Variants in PTPRO observed in about 807,000 individuals in gnomAD.
The protein encoded by PTPRO is protein tyrosine phosphatase receptor type O.
PTPRO carries 62 observed loss-of-function variants against 145.2 expected under a neutral mutation model. That is an observed-to-expected ratio of 0.43 (90% CI 0.35 to 0.53). The LOEUF (loss-of-function observed/expected upper bound fraction) is 0.53, where lower values mean the gene tolerates loss of function less well. PTPRO is among the 20% of genes least tolerant of loss of function. PTPRO has a pLI of 0.01. For synonymous variants in PTPRO, 565 were observed against 514.7 expected (o/e 1.10, Z -1.32); for missense variants, 1,345 against 1,482.7 (o/e 0.91, Z 1.53).
intron 1 of PTPRO, among the ~76,000 whole-genome samples, chr12:15,454,863 G>A (rs1273323291): frequency 6.6e-6 from 1 of 151,798 alleles, no homozygotes; most frequent in Non-Finnish European, 1.5e-5. Context: ...GTGTAGTCTT[G>A]GCATCCACAT....
chr12:15,494,633 A>G (rs1159038679), intron 2 of PTPRO, among the ~76,000 whole-genome samples: 1 of 152,230 alleles, frequency 6.6e-6, no homozygotes, highest in African/African-American at 2.4e-5. Flanking sequence ...AAAACATACA[A>G]GCAAGCATTT....
rs1289413286 is a variant in PTPRO at position 15,587,022 on chromosome 12, G to C, written c.3381G>C (p.Lys1127Asn). 6.2e-7 allele frequency: 1 copy of C among 1,614,064 alleles called. No individual in the cohort carries two copies. Among genetic ancestry groups the C allele is most frequent in the Non-Finnish European group, 8.5e-7 (1 of 1,179,986 alleles). ...FVHMVRQQATKSKGPMIIHCS... is the reference protein window; with the variant it reads ...FVHMVRQQATNSKGPMIIHCS... ...ACATGGTCCGACAGCAAGCTACCAA[G>C]AGCAAAGGTCCCATGATCATTCACT... Residue 1127 changes from lysine to asparagine, a missense_variant, in exon 24 of 27, where the codon AAG (lysine) becomes AAC (asparagine). Around this residue, in one of 3 missense-constraint regions of PTPRO, gnomAD observed 208 missense variants for 242.8 expected, o/e 0.86. Coordinates refer to ENST00000281171, the MANE Select transcript of PTPRO (RefSeq NM_030667.3).
chr12:15,352,811 A>T (rs1937855169), intron 1 of PTPRO, among the ~76,000 whole-genome samples: 2 of 152,192 alleles, frequency 1.3e-5, no homozygotes, highest in South Asian at 4.1e-4. Context: ...TTGGAAGAAT[A>T]GCTTACATAA....
intron 19 of PTPRO, among the ~76,000 whole-genome samples, chr12:15,577,507 AG>A (rs1411302253): frequency 3.9e-5 from 6 of 152,194 alleles, no homozygotes; most frequent in Non-Finnish European, 2.9e-5. Flanking sequence ...TCTCTTCAAC[AG>A]TGTTAAAAGA....
chr12:15,547,059 G>C (rs1180700366), intron 13 of PTPRO, among the ~76,000 whole-genome samples: 1 of 152,166 alleles, frequency 6.6e-6, no homozygotes, highest in African/African-American at 2.4e-5. Flanking sequence ...GCACTGAATA[G>C]AACACACATG....
At chr12:15,548,552 G>T (rs1943363654) in intron 13 of PTPRO, among the ~76,000 whole-genome samples, 1 of 151,340 alleles carries the variant, frequency 6.6e-6, no homozygotes, top group African/African-American at 2.4e-5. Flanking sequence ...GTGTGTGTGT[G>T]TCTATATGCA....
At chr12:15,580,862 G>T in intron 22 of PTPRO, 31 bp downstream of exon 22, 1 of 1,613,338 alleles carries the variant, frequency 6.2e-7, no homozygotes, top group Non-Finnish European at 8.5e-7. Context: ...CTCCCACTTA[G>T]CAGCAAAACC....
chr12:15,541,219 A>T (rs1050533976), intron 12 of PTPRO, among the ~76,000 whole-genome samples: 2 of 152,162 alleles, frequency 1.3e-5, no homozygotes, highest in Non-Finnish European at 2.9e-5. Context: ...TAGCCAGGAG[A>T]TGTTCCATAA....
chr12:15,383,984 A>C (rs1181311406), intron 1 of PTPRO, among the ~76,000 whole-genome samples: 2 of 152,174 alleles, frequency 1.3e-5, no homozygotes, highest in African/African-American at 2.4e-5. Flanking sequence ...GCTATGCCAA[A>C]GTCAGGGTAG....
intron 1 of PTPRO, among the ~76,000 whole-genome samples, chr12:15,467,206 T>A (rs373180675): frequency 6.6e-6 from 1 of 152,140 alleles, no homozygotes; most frequent in African/African-American, 2.4e-5. Context: ...CATCTCTGAG[T>A]CAATCACTTC....
intron 10 of PTPRO, among the ~76,000 whole-genome samples, chr12:15,522,287 A>C (rs893950210): frequency 1.7e-4 from 26 of 149,060 alleles, no homozygotes; most frequent in African/African-American, 6.5e-4. Flanking sequence ...TCTGGGATAC[A>C]TGTACAGAAC....
chr12:15,501,571 T>A (rs777759600), intron 4 of PTPRO, 49 bp from the exon 5 acceptor site: 1 of 1,517,328 alleles, frequency 6.6e-7, no homozygotes, highest in Non-Finnish European at 9.1e-7. Context: ...AAGTATTCAC[T>A]CTAATTGAAT....
At chr12:15,541,859 A>G (rs1298281886) in intron 12 of PTPRO, among the ~76,000 whole-genome samples, 4 of 152,020 alleles carry the variant, frequency 2.6e-5, no homozygotes, top group African/African-American at 4.8e-5. Context: ...TAAAAATACA[A>G]AAATTAGCCG....
At chr12:15,360,629 ATGTG>A (rs527914394) in intron 1 of PTPRO, among the ~76,000 whole-genome samples, 107 of 151,476 alleles carry the variant, frequency 7.1e-4, no homozygotes, top group African/African-American at 2.2e-3. Context: ...CTATATATAT[ATGTG>A]TGTGTGTATA....
chr12:15,408,404 G>A (rs1271218174), intron 1 of PTPRO, among the ~76,000 whole-genome samples: 1 of 151,924 alleles, frequency 6.6e-6, no homozygotes, highest in East Asian at 1.9e-4. Context: ...AACCTCAAGG[G>A]AAGTCAAAGT....
At chr12:15,364,320 C>T (rs1207040269) in intron 1 of PTPRO, among the ~76,000 whole-genome samples, 2 of 152,106 alleles carry the variant, frequency 1.3e-5, no homozygotes, top group East Asian at 3.8e-4. Context: ...TTCATTATTA[C>T]AGAATTGGTA....
At chr12:15,446,342 C>T (rs1045356663) in intron 1 of PTPRO, among the ~76,000 whole-genome samples, 1 of 152,062 alleles carries the variant, frequency 6.6e-6, no homozygotes, top group African/African-American at 2.4e-5. Flanking sequence ...AAACACCTTT[C>T]AAAACCTCCT....
intron 1 of PTPRO, among the ~76,000 whole-genome samples, chr12:15,342,406 T>C (rs1386408170): frequency 6.7e-6 from 1 of 149,600 alleles, no homozygotes; most frequent in African/African-American, 2.4e-5. Flanking sequence ...TATGTTATAT[T>C]TGAGCATAAT....
At chr12:15,400,640 A>G (rs1361786808) in intron 1 of PTPRO, among the ~76,000 whole-genome samples, 1 of 152,152 alleles carries the variant, frequency 6.6e-6, no homozygotes, top group East Asian at 1.9e-4. Flanking sequence ...ATACATTTCC[A>G]TTGTGCAAAG....
Sources: allele counts gnomAD v4.1 joint callset (sites outside exome capture counted in the v4.1 genomes callset), GRCh38; gene constraint gnomAD v4.1.1; regional missense constraint gnomAD v4.1.1; transcripts MANE v1.5; gene names NCBI Gene and HGNC (gene_info 2026-07-23, HGNC 2026-07-21).